The following STXBP6 variants were observed in gnomAD, a reference collection of about 807,000 sequenced individuals.
The protein encoded by STXBP6 is syntaxin binding protein 6.
In STXBP6, 21 loss-of-function variants were observed where a neutral mutation model predicts 26.9. The observed-to-expected ratio is 0.78, with a 90% CI of 0.55 to 1.12. The LOEUF (loss-of-function observed/expected upper bound fraction) is 1.12, where lower values mean the gene tolerates loss of function less well. Ranked by LOEUF, STXBP6 falls within the 50% of genes most tolerant of loss-of-function variation. STXBP6 has a pLI of 0.00. For missense variants in STXBP6, 232 were observed against 257.9 expected (o/e 0.90, Z 0.69); for synonymous variants, 97 against 92.6 (o/e 1.05, Z -0.27).
At chr14:25,010,416 T>G (rs2075001883) in intron 1 of STXBP6, 1 of 152,250 alleles carries the variant, frequency 6.6e-6, no homozygotes. Flanking sequence ...GAATTTTAAA[T>G]CTGAATTCCA....
chr14:24,938,468 T>A (rs77057401), intron 2 of STXBP6, among the ~76,000 whole-genome samples: 1 of 152,170 alleles, frequency 6.6e-6, no homozygotes, highest in Non-Finnish European at 1.5e-5. Context: ...GTTTGCTGTA[T>A]GGTAGACACT....
At chr14:24,963,800 C>A (rs773594174) in intron 2 of STXBP6, among the ~76,000 whole-genome samples, 3 of 152,020 alleles carry the variant, frequency 2.0e-5, no homozygotes, top group Non-Finnish European at 4.4e-5. Context: ...ATAAATTGCT[C>A]ATTTTGAAAG....
At chr14:24,944,266 C>T (rs1014665780) in intron 2 of STXBP6, among the ~76,000 whole-genome samples, 6 of 152,170 alleles carry the variant, frequency 3.9e-5, no homozygotes, top group Non-Finnish European at 5.9e-5. Flanking sequence ...AGCTTGGGCA[C>T]GCTGACCACC....
chr14:24,819,546 C>G, intron 4 of STXBP6: 1 of 516,108 alleles, frequency 1.9e-6, no homozygotes, highest in Non-Finnish European at 3.4e-6. Context: ...AAAACGTTGA[C>G]AAGTTCACAG....
rs922105635 is a variant in STXBP6 at position 24,929,820 on chromosome 14, C to T, written c.154+44845G>A. ...CTGTCAAGAGAACGTGTTCCACTAACTTCTTTTCCCTTCTTCCCCTCTGAT... is the reference window on the plus strand; with the variant it reads ...CTGTCAAGAGAACGTGTTCCACTAATTTCTTTTCCCTTCTTCCCCTCTGAT... On this transcript the variant is annotated intron_variant, in intron 2 of 5. Coordinates refer to ENST00000323944, the MANE Select transcript of STXBP6 (RefSeq NM_001394410.1). Among the ~76,000 whole-genome samples the T allele has an allele frequency of 4.6e-5, 7 of 152,232 alleles. 2 individuals are homozygous for T. The highest frequency in any genetic ancestry group is 3.9e-4 in the Admixed American group (6 of 15,284).
At chr14:24,993,958 C>T (rs2074535916) in intron 1 of STXBP6, among the ~76,000 whole-genome samples, 2 of 152,132 alleles carry the variant, frequency 1.3e-5, no homozygotes, top group African/African-American at 4.8e-5. Context: ...CCCTCTTGTC[C>T]CTCCCAGCTG....
chr14:25,031,523 A>G lies in STXBP6; in HGVS notation c.-33+18355T>C, dbSNP rs554609755. ...TAGAATAGATTCTTTCTAGAGACAG[A>G]CTACTCCTCTGTTTCAACTAAAAAA... is the stretch of plus-strand genomic sequence containing the variant. On this transcript the variant is annotated intron_variant, in intron 1 of 5. Coordinates refer to ENST00000323944, the MANE Select transcript of STXBP6 (RefSeq NM_001394410.1). Among the ~76,000 whole-genome samples, 16 of 152,340 alleles carry G rather than the reference A, an allele frequency of 1.1e-4. 1 individual carries two copies. The highest frequency in any genetic ancestry group is 3.8e-4 in the African/African-American group (16 of 41,574).
chr14:25,034,085 C>A (rs28630402), intron 1 of STXBP6, among the ~76,000 whole-genome samples: 5,136 of 152,138 alleles, frequency 0.034, 276 homozygotes, highest in African/African-American at 0.12. Context: ...GGACATGAAA[C>A]GGACAAGGAA....
chr14:24,855,259 T>C (rs879402748), intron 4 of STXBP6, among the ~76,000 whole-genome samples: 13 of 152,080 alleles, frequency 8.5e-5, no homozygotes, highest in Non-Finnish European at 1.6e-4. Context: ...GACAGGTCAG[T>C]GAAAAGACCA....
chr14:24,868,245 G>A (rs2069794560), intron 2 of STXBP6, among the ~76,000 whole-genome samples: 1 of 151,984 alleles, frequency 6.6e-6, no homozygotes, highest in African/African-American at 2.4e-5. Context: ...TATACATTTA[G>A]AAACTCTCAA....
Position 24,856,561 on chromosome 14 carries a change from C to T in STXBP6, c.286-460G>A, listed in dbSNP as rs747945291. Among the ~76,000 whole-genome samples the T allele has an allele frequency of 5.9e-5, 9 of 152,024 alleles. No homozygotes were observed. In the South Asian group the frequency reaches 1.0e-3, roughly 18 times the overall value. On this transcript the variant is annotated intron_variant, in intron 3 of 5. Transcript: ENST00000323944. ...TGTGCATGTGAGCAACGGGAATGTA[C>T]TTTGCATAGATAACTATGCCATAAA...
At chr14:24,851,033 G>A (rs1050970763) in intron 4 of STXBP6, among the ~76,000 whole-genome samples, 5 of 152,080 alleles carry the variant, frequency 3.3e-5, no homozygotes, top group African/African-American at 1.2e-4. Context: ...ACAGTTCACA[G>A]TATTAGGCAT....
chr14:24,938,598 A>G (rs2072685120), intron 2 of STXBP6, among the ~76,000 whole-genome samples: 1 of 151,652 alleles, frequency 6.6e-6, no homozygotes, highest in Admixed American at 6.6e-5. Flanking sequence ...AAACCAGGAA[A>G]AAAAAAAAAA....
At chr14:24,838,738 T>A (rs1458978810) in intron 4 of STXBP6, among the ~76,000 whole-genome samples, 1 of 152,032 alleles carries the variant, frequency 6.6e-6, no homozygotes, top group African/African-American at 2.4e-5. Context: ...CCCTTTCATG[T>A]CTTATTAAGC....
chr14:24,909,545 G>T (rs1157610016), intron 2 of STXBP6, among the ~76,000 whole-genome samples: 3 of 151,960 alleles, frequency 2.0e-5, no homozygotes, highest in Non-Finnish European at 1.5e-5. Flanking sequence ...CTGTAGGAAG[G>T]CAAGGCAGGT....
At chr14:24,981,880 G>T (rs1259855363) in intron 1 of STXBP6, among the ~76,000 whole-genome samples, 2 of 152,084 alleles carry the variant, frequency 1.3e-5, no homozygotes, top group African/African-American at 2.4e-5. Context: ...TAAAATTGTG[G>T]CACAGACCTA....
chr14:24,814,931 G>T (rs2067927727), intron 5 of STXBP6, among the ~76,000 whole-genome samples: 1 of 152,154 alleles, frequency 6.6e-6, no homozygotes, highest in Non-Finnish European at 1.5e-5. Context: ...TGACTTCCCA[G>T]CCCCCAGAAT....
intron 2 of STXBP6, among the ~76,000 whole-genome samples, chr14:24,964,647 CTGTG>C (rs34132743): frequency 1.3e-3 from 183 of 140,168 alleles, no homozygotes; most frequent in African/African-American, 4.3e-3. Flanking sequence ...AGTTCTCATT[CTGTG>C]TGTGTGTGTG....
At chr14:24,950,795 A>C (rs2073141289) in intron 2 of STXBP6, among the ~76,000 whole-genome samples, 1 of 152,134 alleles carries the variant, frequency 6.6e-6, no homozygotes, top group South Asian at 2.1e-4. Context: ...CAGAATGTGC[A>C]GTTTTGTTAT....
Sources: allele counts gnomAD v4.1 joint callset (sites outside exome capture counted in the v4.1 genomes callset), GRCh38; gene constraint gnomAD v4.1.1; transcripts MANE v1.5; gene names NCBI Gene and HGNC (gene_info 2026-07-23, HGNC 2026-07-21).